Variants in QTRT2 observed in about 807,000 individuals in gnomAD.
QTRT2 encodes queuine tRNA-ribosyltransferase domain containing 1.
QTRT2 carries 32 observed loss-of-function variants against 44.8 expected under a neutral mutation model. That is an observed-to-expected ratio of 0.71 (90% CI 0.54 to 0.96). The LOEUF (loss-of-function observed/expected upper bound fraction) is 0.96. Among genes scored for constraint, QTRT2 ranks in the 40% least tolerant of loss-of-function variants. The pLI, the probability that QTRT2 is intolerant of heterozygous loss-of-function variation, is 0.00. For synonymous variants in QTRT2, 182 were observed against 187.4 expected (o/e 0.97, Z 0.24); for missense variants, 461 against 503.1 (o/e 0.92, Z 0.80).
At chr3:114,062,368 C>CAAAAAAAAAA (rs143192501) in intron 2 of QTRT2, among the ~76,000 whole-genome samples, 7 of 86,148 alleles carry the variant, frequency 8.1e-5, no homozygotes, top group Admixed American at 1.4e-4. Flanking sequence ...GACCTTGTCT[C>CAAAAAAAAAA]AAAAAAAAAA....
intron 9 of QTRT2, among the ~76,000 whole-genome samples, chr3:114,083,314 C>CTGT (rs56306334): frequency 0.029 from 4,429 of 150,284 alleles, 71 homozygotes; most frequent in South Asian, 0.044. Context: ...GTTGCTGCTG[C>CTGT]TGTTGTTGTT....
Position 114,070,746 on chromosome 3 carries a change from A to C in QTRT2, c.454A>C (p.Lys152Gln). 6.2e-7 allele frequency: 1 copy of C among 1,614,042 alleles called. No individual in the cohort carries two copies. The highest frequency in any genetic ancestry group is 8.5e-7 in the Non-Finnish European group (1 of 1,179,962). The part of the protein sequence containing the change: ...QCLSDGEVSC[K>Q]EATSIKRVRK... ...CCTCTCCGATGGAGAAGTATCTTGT[A>C]AGGAAGCAACTTCCATAAAAAGGGT... The change falls in exon 6 of 10, where the codon AAG becomes CAG. Residue 152 changes from lysine (K) to glutamine (Q), a missense_variant. Coordinates refer to ENST00000281273, the MANE Select transcript of QTRT2 (RefSeq NM_024638.4).
intron 6 of QTRT2, among the ~76,000 whole-genome samples, chr3:114,071,744 C>T (rs9840460): frequency 0.097 from 14,716 of 152,266 alleles, 787 homozygotes; most frequent in East Asian, 0.13. Flanking sequence ...TCATCTCTTA[C>T]GTATGTAATT....
At chr3:114,065,160 A>ATT (rs34428541) in intron 2 of QTRT2, 77 bp from the exon 3 acceptor site, 2,752 of 783,558 alleles carry the variant, frequency 3.5e-3, no homozygotes, top group South Asian at 7.0e-3. Flanking sequence ...TTTCCTGAAG[A>ATT]TTTTTTTTTT....
chr3:114,070,359 T>C (rs973632022), intron 5 of QTRT2, among the ~76,000 whole-genome samples: 2 of 151,502 alleles, frequency 1.3e-5, no homozygotes, highest in African/African-American at 2.4e-5. Flanking sequence ...AAGGGTTAGG[T>C]AGGGGTGGGG....
chr3:114,081,695 C>T lies in QTRT2; in HGVS notation c.899-982C>T, dbSNP rs567208116. 2.2e-4 allele frequency among the ~76,000 whole-genome samples: 33 copies of T among 152,252 alleles called. No individual in the cohort carries two copies. The East Asian group carries it at 6.4e-3, about 29-fold the overall frequency. ...TCAGGCGATCCTCCTGCCTTAGCCTCCCAAAGTGCTGGGATTACAGGCATG... is the reference window on the plus strand; with the variant it reads ...TCAGGCGATCCTCCTGCCTTAGCCTTCCAAAGTGCTGGGATTACAGGCATG... On this transcript the variant is annotated intron_variant, in intron 8 of 9. Transcript: ENST00000281273.
At chr3:114,077,711 CTT>C (rs748709745) in intron 7 of QTRT2, 4 of 127,688 alleles carry the variant, frequency 3.1e-5, no homozygotes, top group Non-Finnish European at 1.7e-5. Flanking sequence ...AATTTTACTA[CTT>C]TTTTTTTTTT....
In QTRT2 at chr3:114,085,737, C is replaced by T. The variant is rs35965111; in HGVS notation, c.1081C>T (p.Arg361Trp). 1.8e-4 allele frequency: 298 copies of T among 1,614,082 alleles called. No individual in the cohort carries two copies. Among genetic ancestry groups the T allele is most frequent in the Non-Finnish European group, 2.2e-4 (260 of 1,180,056 alleles). ...CSCYCCKNHT[R>W]AYIHHLLVTN... ...CTGTTACTGCTGTAAGAATCACACT[C>T]GGGCATACATCCACCATCTGCTGGT... The change falls in exon 10 of 10, where the codon CGG becomes TGG. Residue 361 changes from arginine to tryptophan, a missense_variant. Physicochemically the swap from Arg to Trp is moderately radical, Grantham distance 101. Coordinates refer to ENST00000281273, the MANE Select transcript of QTRT2 (RefSeq NM_024638.4).
At chr3:114,084,060 C>G (rs369829793) in intron 9 of QTRT2, among the ~76,000 whole-genome samples, 1 of 134,772 alleles carries the variant, frequency 7.4e-6, no homozygotes, top group Non-Finnish European at 1.6e-5. Context: ...TCACTTTTTT[C>G]TTTTTTTTTT....
Position 114,057,080 on chromosome 3 carries a change from C to G in QTRT2, c.-48C>G. On this transcript the variant is annotated 5_prime_UTR_variant, in exon 2 of 10. Coordinates refer to ENST00000281273, the MANE Select transcript of QTRT2 (RefSeq NM_024638.4). ...CGCCGACACCTCTGAGATAAAAGGG[C>G]CCCTTTCGACTAGCCTCTGCTGAAA... is the stretch of plus-strand genomic sequence containing the variant. 7.3e-7 allele frequency: 1 copy of G among 1,370,300 alleles called. No homozygotes were observed. Among genetic ancestry groups the G allele is most frequent in the African/African-American group, 1.5e-5 (1 of 67,222 alleles). The allele number at this position is 1,370,300 out of a possible 1,614,324, so 84.9% of individuals were successfully genotyped here.
intron 7 of QTRT2, chr3:114,077,711 C>CT (rs748709745): frequency 0.047 from 5,968 of 127,676 alleles, 271 homozygotes; most frequent in Non-Finnish European, 0.075. Context: ...AATTTTACTA[C>CT]TTTTTTTTTT....
At chr3:114,083,201 A>G (rs920012065) in intron 9 of QTRT2, among the ~76,000 whole-genome samples, 4 of 152,178 alleles carry the variant, frequency 2.6e-5, no homozygotes, top group Admixed American at 1.3e-4. Flanking sequence ...ACAAATTAAG[A>G]TACAGATTGA....
At chr3:114,084,251 C>T (rs558170893) in intron 9 of QTRT2, among the ~76,000 whole-genome samples, 15 of 151,982 alleles carry the variant, frequency 9.9e-5, no homozygotes, top group South Asian at 2.1e-4. Context: ...TTAGTAGAGA[C>T]GGGGTTTCAC....
intron 2 of QTRT2, among the ~76,000 whole-genome samples, chr3:114,058,834 G>T (rs922783659): frequency 6.6e-6 from 1 of 152,048 alleles, no homozygotes; most frequent in Non-Finnish European, 1.5e-5. Context: ...CCCGGCCAGC[G>T]TTCTTCATTT....
rs2046497 is a variant in QTRT2, at chr3:114,084,078, T to A, written c.1016+1284T>A. 1.0e-4 allele frequency among the ~76,000 whole-genome samples: 15 copies of A among 145,844 alleles called. No individual in the cohort carries two copies. The South Asian group carries it at 1.3e-3, about 12-fold the overall frequency. On this transcript the variant is annotated intron_variant, in intron 9 of 9. Coordinates refer to ENST00000281273, the MANE Select transcript of QTRT2 (RefSeq NM_024638.4). Reference sequence around the variant, plus strand: ...CTTTTTTCTTTTTTTTTTTTTTTTGTGGGGGGCAGAGTGTAGCTCTGTTGC... The same window carrying A: ...CTTTTTTCTTTTTTTTTTTTTTTTGAGGGGGGCAGAGTGTAGCTCTGTTGC...
intron 2 of QTRT2, 96 bp from the exon 3 acceptor site, chr3:114,065,141 A>G (rs550148709): frequency 5.1e-5 from 38 of 751,548 alleles, no homozygotes; most frequent in Admixed American, 2.8e-4. Flanking sequence ...TAAGCATGCT[A>G]TCATTCATTT....
chr3:114,065,622 C>T (rs919541602), intron 3 of QTRT2, among the ~76,000 whole-genome samples, 165 bp downstream of exon 3: 1 of 152,162 alleles, frequency 6.6e-6, no homozygotes, highest in Non-Finnish European at 1.5e-5. Flanking sequence ...TGGCCCTAAT[C>T]TGGAAGCCAC....
intron 5 of QTRT2, among the ~76,000 whole-genome samples, chr3:114,068,783 C>T (rs1237886286): frequency 6.6e-6 from 1 of 152,168 alleles, no homozygotes; most frequent in Non-Finnish European, 1.5e-5. Context: ...TATGGTGGCT[C>T]ATGCATGTAA....
chr3:114,062,888 G>A (rs903511698), intron 2 of QTRT2, among the ~76,000 whole-genome samples: 26 of 152,204 alleles, frequency 1.7e-4, no homozygotes, highest in Non-Finnish European at 3.4e-4. Flanking sequence ...CACTGTTCAT[G>A]TGTGTACATT....
Sources: gnomAD v4.1 joint callset for allele counts (sites outside exome capture counted in the v4.1 genomes callset) on GRCh38, gnomAD v4.1.1 for gene constraint, MANE v1.5 for transcripts, NCBI Gene and HGNC (gene_info 2026-07-23, HGNC 2026-07-21) for gene names.